The following SCFD2 variants were observed in gnomAD, a reference collection of about 807,000 sequenced individuals.
The protein encoded by SCFD2 is sec1 family domain containing 2.
Under a neutral mutation model 58.9 loss-of-function variants are expected in SCFD2, and 54 were observed. The observed-to-expected ratio is 0.92, with a 90% CI of 0.74 to 1.15. The LOEUF is 1.15. Among genes scored for constraint, SCFD2 ranks in the 50% most tolerant of loss-of-function variants. The pLI is 0.00. For missense variants in SCFD2, 805 were observed against 836.6 expected, an observed-to-expected ratio of 0.96 and a Z score of 0.47; for synonymous variants, 321 against 335.9, an observed-to-expected ratio of 0.96 and a Z score of 0.49.
intron 7 of SCFD2, among the ~76,000 whole-genome samples, chr4:52,896,899 C>T (rs1037323205): frequency 8.6e-5 from 13 of 152,016 alleles, no homozygotes; most frequent in African/African-American, 4.8e-5. Flanking sequence ...TTGGATTCCT[C>T]GTATTTTATT....
At chr4:53,041,640 T>C (rs1482143656) in intron 5 of SCFD2, among the ~76,000 whole-genome samples, 1 of 152,112 alleles carries the variant, frequency 6.6e-6, no homozygotes, top group Non-Finnish European at 1.5e-5. Flanking sequence ...ATGATCCACA[T>C]TGTTTCTTCA....
chr4:53,097,195 G>C (rs924715466), intron 5 of SCFD2, among the ~76,000 whole-genome samples: 2 of 152,156 alleles, frequency 1.3e-5, no homozygotes, highest in Admixed American at 6.5e-5. Flanking sequence ...CTTGGCAATG[G>C]GGGCTCTCTT....
chr4:53,238,091 C>T (rs796200105), intron 4 of SCFD2, among the ~76,000 whole-genome samples: 327 of 93,616 alleles, frequency 3.5e-3, no homozygotes, highest in South Asian at 6.3e-3. Flanking sequence ...GGCGGCTGGC[C>T]GGGCAGAGGG....
intron 2 of SCFD2, among the ~76,000 whole-genome samples, chr4:53,328,525 G>A (rs1202786274): frequency 6.6e-6 from 1 of 152,114 alleles, no homozygotes; most frequent in African/African-American, 2.4e-5. Flanking sequence ...AATAAAAAAT[G>A]AGTTATAACC....
intron 6 of SCFD2, among the ~76,000 whole-genome samples, chr4:52,912,123 A>T (rs556586182): frequency 2.6e-5 from 4 of 152,192 alleles, no homozygotes; most frequent in Non-Finnish European, 4.4e-5. Flanking sequence ...GAAGCTGAGT[A>T]AGTCTACAAA....
rs775583912 is a variant in SCFD2 at position 52,998,666 on chromosome 4, G to A, written c.1562-77796C>T. Among the ~76,000 whole-genome samples the A allele has an allele frequency of 6.4e-4, 98 of 152,288 alleles. 1 individual carries two copies. The highest frequency in any genetic ancestry group is 3.4e-3 in the Middle Eastern group (1 of 294). ...CCTTCCTGGTAAGATCACCCAAAAAGAAGACTGATGCTCAACCACAGCTGG... is the reference window on the plus strand; with the variant it reads ...CCTTCCTGGTAAGATCACCCAAAAAAAAGACTGATGCTCAACCACAGCTGG... On this transcript the variant is annotated intron_variant, in intron 5 of 8. Coordinates refer to ENST00000401642, the MANE Select transcript of SCFD2 (RefSeq NM_152540.4).
intron 5 of SCFD2, chr4:52,948,135 CCTGAGGTGG>C (rs1455261294): frequency 1.2e-5 from 2 of 163,894 alleles, no homozygotes; most frequent in African/African-American, 4.8e-5. Context: ...AGGCTGGAAC[CCTGAGGTGG>C]GAGAGTGTAG....
intron 2 of SCFD2, among the ~76,000 whole-genome samples, chr4:53,346,278 T>C (rs986090561): frequency 2.5e-5 from 2 of 79,964 alleles, no homozygotes; most frequent in African/African-American, 7.2e-5. Context: ...TTTTTTTTTC[T>C]TTTTTTTTTT....
chr4:53,053,363 T>C (rs555622346), intron 5 of SCFD2, among the ~76,000 whole-genome samples: 1 of 152,074 alleles, frequency 6.6e-6, no homozygotes, highest in Non-Finnish European at 1.5e-5. Context: ...GGTCCAGACA[T>C]ATGAAAATTT....
intron 5 of SCFD2, among the ~76,000 whole-genome samples, chr4:52,967,911 A>C (rs772501122): frequency 4.6e-5 from 7 of 152,142 alleles, no homozygotes; most frequent in Non-Finnish European, 1.0e-4. Context: ...CCCAGTTCCA[A>C]TATAACTTCA....
At chr4:53,061,898 A>G (rs1723523237) in intron 5 of SCFD2, among the ~76,000 whole-genome samples, 1 of 152,122 alleles carries the variant, frequency 6.6e-6, no homozygotes. Flanking sequence ...CAAGAGAAAC[A>G]ATAAGTGATT....
intron 3 of SCFD2, among the ~76,000 whole-genome samples, chr4:53,290,462 T>A (rs1731803458): frequency 6.6e-6 from 1 of 152,060 alleles, no homozygotes; most frequent in Non-Finnish European, 1.5e-5. Flanking sequence ...ACCCTATAGG[T>A]GAAGCAATAG....
intron 5 of SCFD2, among the ~76,000 whole-genome samples, chr4:52,954,390 A>C (rs924018035): frequency 1.3e-5 from 2 of 152,212 alleles, no homozygotes; most frequent in African/African-American, 4.8e-5. Flanking sequence ...AGAAGATTAC[A>C]GGCACTCAGT....
intron 5 of SCFD2, among the ~76,000 whole-genome samples, chr4:53,099,717 C>T (rs557739744): frequency 6.6e-6 from 1 of 152,268 alleles, no homozygotes; most frequent in East Asian, 1.9e-4. Flanking sequence ...CTCCCCCTAC[C>T]CACTTAGGGA....
chr4:53,207,113 G>T (rs1043029431), intron 4 of SCFD2, among the ~76,000 whole-genome samples: 1 of 151,794 alleles, frequency 6.6e-6, no homozygotes, highest in Non-Finnish European at 1.5e-5. Flanking sequence ...ACAACCTACT[G>T]TCTAGATAAC....
intron 5 of SCFD2, among the ~76,000 whole-genome samples, chr4:53,078,467 A>G (rs1475794749): frequency 6.6e-6 from 1 of 152,230 alleles, no homozygotes; most frequent in Non-Finnish European, 1.5e-5. Context: ...GACACAATCT[A>G]TAATTTAAAA....
chr4:53,039,994 A>G (rs1467340098), intron 5 of SCFD2, among the ~76,000 whole-genome samples: 1 of 152,158 alleles, frequency 6.6e-6, no homozygotes, highest in Admixed American at 6.6e-5. Flanking sequence ...TGGTAATTAC[A>G]TGATCCATTT....
chr4:53,338,667 G>T (rs1420308217), intron 2 of SCFD2, among the ~76,000 whole-genome samples: 1 of 132,808 alleles, frequency 7.5e-6, no homozygotes. Context: ...TGCAAGCTCC[G>T]CCTCCCGGGT....
At chr4:53,325,415 A>G (rs1231431996) in intron 2 of SCFD2, among the ~76,000 whole-genome samples, 1 of 152,218 alleles carries the variant, frequency 6.6e-6, no homozygotes, top group Non-Finnish European at 1.5e-5. Context: ...AGAATTAGCC[A>G]GGAAATAAAA....
Sources: gnomAD v4.1 joint callset for allele counts (sites outside exome capture counted in the v4.1 genomes callset) on GRCh38, gnomAD v4.1.1 for gene constraint, MANE v1.5 for transcripts, NCBI Gene and HGNC (gene_info 2026-07-23, HGNC 2026-07-21) for gene names.